Variants in RALB observed in about 807,000 individuals in gnomAD.
The protein encoded by RALB is RAS like proto-oncogene B.
A neutral mutation model predicts 21.3 loss-of-function variants in RALB; 16 were observed. The ratio of observed to expected loss-of-function variants is 0.75; its 90% confidence interval spans 0.51 to 1.14. The LOEUF (loss-of-function observed/expected upper bound fraction) is 1.14. Among genes scored for constraint, RALB ranks in the 50% most tolerant of loss-of-function variants. The probability of loss-of-function intolerance (pLI) is 0.00; values close to 1 mark genes in which losing one functional copy is unlikely to be tolerated. For missense variants in RALB, 161 were observed against 256.2 expected (o/e 0.63, Z 2.54); for synonymous variants, 93 against 96.1 (o/e 0.97, Z 0.19).
At chr2:120,255,744 C>G (rs1489401832) in intron 1 of RALB, among the ~76,000 whole-genome samples, 3 of 152,144 alleles carry the variant, frequency 2.0e-5, no homozygotes, top group Non-Finnish European at 4.4e-5. Context: ...AAAGTAGCTG[C>G]TTATAATTTT....
At chr2:120,259,705 C>CG (rs1391177970) in intron 1 of RALB, among the ~76,000 whole-genome samples, 1 of 152,268 alleles carries the variant, frequency 6.6e-6, no homozygotes, top group African/African-American at 2.4e-5. Context: ...GATCCCGCAC[C>CG]GGGGCTGCAG....
At chr2:120,286,396 C>CA (rs1218806850) in intron 3 of RALB, among the ~76,000 whole-genome samples, 5 of 152,114 alleles carry the variant, frequency 3.3e-5, no homozygotes, top group African/African-American at 9.7e-5. Flanking sequence ...TATAAATACT[C>CA]AGAGATTTTC....
At chr2:120,254,676 C>G (rs1245425415) in intron 1 of RALB, among the ~76,000 whole-genome samples, 1 of 77,076 alleles carries the variant, frequency 1.3e-5, no homozygotes, top group Admixed American at 1.1e-4. Context: ...TTGAGATAAT[C>G]CTTTTTTTGT....
rs1363390870 is a variant in RALB, at chr2:120,278,865, G to A, written c.114+87G>A. On this transcript the variant is annotated intron_variant, in intron 2 of 4. Coordinates refer to ENST00000272519, the MANE Select transcript of RALB (RefSeq NM_002881.3). Reference sequence around the variant, plus strand: ...CCGCTGTTTCTGTGCCGGTCCTCCCGTACACAGGGGTTCACGGAGCAAGTC... The same window carrying A: ...CCGCTGTTTCTGTGCCGGTCCTCCCATACACAGGGGTTCACGGAGCAAGTC... The A allele has an allele frequency of 3.5e-5, 44 of 1,244,104 alleles. 1 individual carries two copies. In the South Asian group the frequency reaches 5.1e-4, roughly 14 times the overall value. 77.1% of individuals were successfully genotyped at this position (1,244,104 alleles called of 1,614,324 possible).
upstream of RALB, among the ~76,000 whole-genome samples, chr2:120,248,605 G>T (rs949928448): frequency 1.3e-5 from 2 of 152,034 alleles, no homozygotes; most frequent in African/African-American, 4.8e-5. Flanking sequence ...TCCTAACCTC[G>T]GTTCCACATC....
At chr2:120,280,236 C>A (rs969012056) in intron 2 of RALB, among the ~76,000 whole-genome samples, 1 of 152,094 alleles carries the variant, frequency 6.6e-6, no homozygotes, top group African/African-American at 2.4e-5. Flanking sequence ...CTAGAAATGC[C>A]ATGTAGTCAC....
chr2:120,294,578 G>C lies in RALB; in HGVS notation c.*1318G>C, dbSNP rs762045204. On this transcript the variant is annotated 3_prime_UTR_variant, in exon 5 of 5. Coordinates refer to ENST00000272519, the MANE Select transcript of RALB (RefSeq NM_002881.3). ...AGGTGCCAAAAGTGAATCGGGGTGCGGAGAGTGGGAACCTTTTGAATTTAT... is the reference window on the plus strand; with the variant it reads ...AGGTGCCAAAAGTGAATCGGGGTGCCGAGAGTGGGAACCTTTTGAATTTAT... The C allele has an allele frequency of 2.5e-5, 6 of 240,792 alleles. No homozygotes were observed. The highest frequency in any genetic ancestry group is 4.7e-5 in the Non-Finnish European group (6 of 127,062). 14.9% of individuals were successfully genotyped at this position (240,792 alleles called of 1,614,324 possible).
chr2:120,289,343 C>T (rs1051371783), intron 3 of RALB, among the ~76,000 whole-genome samples: 1 of 151,210 alleles, frequency 6.6e-6, no homozygotes, highest in Non-Finnish European at 1.5e-5. Context: ...CAGAAATCTG[C>T]ATTTGTGATG....
chr2:120,272,691 AT>A (rs987438647), intron 1 of RALB, among the ~76,000 whole-genome samples: 1 of 151,310 alleles, frequency 6.6e-6, no homozygotes, highest in African/African-American at 2.4e-5. Flanking sequence ...AACTTAACTG[AT>A]TTTTTTTTCC....
At chr2:120,264,927 G>A (rs1340253340) in intron 1 of RALB, among the ~76,000 whole-genome samples, 1 of 151,400 alleles carries the variant, frequency 6.6e-6, no homozygotes, top group Non-Finnish European at 1.5e-5. Context: ...TATAGCATGT[G>A]TCAGCTTCCT....
At chr2:120,260,005 C>G (rs1573327762) in intron 1 of RALB, among the ~76,000 whole-genome samples, 1 of 152,348 alleles carries the variant, frequency 6.6e-6, no homozygotes, top group African/African-American at 2.4e-5. Flanking sequence ...TGCTAAGTCC[C>G]TCATTGCCCG....
intron 4 of RALB, 44 bp from the exon 5 acceptor site, chr2:120,293,097 C>T: frequency 6.5e-7 from 1 of 1,533,212 alleles, no homozygotes; most frequent in Non-Finnish European, 8.7e-7. Context: ...CATTAAATGG[C>T]TCTTTCTTCA....
chr2:120,267,144 C>CCA (rs1410072495), intron 1 of RALB, among the ~76,000 whole-genome samples: 1 of 152,132 alleles, frequency 6.6e-6, no homozygotes, highest in Non-Finnish European at 1.5e-5. Flanking sequence ...GGAAGGGACT[C>CCA]CAAAGCCTTC....
chr2:120,280,769 C>G (rs1689970252), intron 2 of RALB: 1 of 342,718 alleles, frequency 2.9e-6, no homozygotes, highest in Non-Finnish European at 5.7e-6. Flanking sequence ...TCTAAGCTGT[C>G]AGAACAAAAG....
At chr2:120,247,545 G>T (rs183923128) in intron 1 of RALB, among the ~76,000 whole-genome samples, 1 of 152,190 alleles carries the variant, frequency 6.6e-6, no homozygotes, top group Non-Finnish European at 1.5e-5. Flanking sequence ...TTAGGGAAAA[G>T]TGGTTTTTAA....
chr2:120,280,793 C>T (rs1344363197), intron 2 of RALB: 1 of 363,670 alleles, frequency 2.7e-6, no homozygotes, highest in Admixed American at 4.0e-5. Context: ...TTTTCATTAA[C>T]CATGCTAAAG....
chr2:120,275,636 T>G (rs1472421056), intron 1 of RALB, among the ~76,000 whole-genome samples: 1 of 152,074 alleles, frequency 6.6e-6, no homozygotes, highest in African/African-American at 2.4e-5. Context: ...CCCAGTGATG[T>G]GTGTGTGTGT....
intron 1 of RALB, among the ~76,000 whole-genome samples, chr2:120,254,544 G>A (rs1474999010): frequency 1.3e-5 from 2 of 152,170 alleles, no homozygotes; most frequent in African/African-American, 2.4e-5. Flanking sequence ...AGGATAAACA[G>A]GATTTAGAGT....
chr2:120,282,509 C>CT (rs1205694025), intron 2 of RALB, among the ~76,000 whole-genome samples: 8 of 126,206 alleles, frequency 6.3e-5, no homozygotes, highest in African/African-American at 2.5e-4. Flanking sequence ...GCTAGCACTG[C>CT]TGAGGAGACT....
Sources: allele counts gnomAD v4.1 joint callset (sites outside exome capture counted in the v4.1 genomes callset), GRCh38; gene constraint gnomAD v4.1.1; transcripts MANE v1.5; gene names NCBI Gene and HGNC (gene_info 2026-07-23, HGNC 2026-07-21).